PPOX: variants seen among roughly 807,000 people sequenced by gnomAD.
PPOX encodes protoporphyrinogen oxidase, also known as variegate porphyria.
PPOX carries 23 observed loss-of-function variants against 54.1 expected under a neutral mutation model. That is an observed-to-expected ratio of 0.43 (90% CI 0.31 to 0.60). PPOX has a LOEUF of 0.60. PPOX is among the 20% of genes least tolerant of loss of function. The probability of loss-of-function intolerance (pLI) is 0.13; values close to 1 mark genes in which losing one functional copy is unlikely to be tolerated. For missense variants in PPOX, 512 were observed against 601.1 expected, an observed-to-expected ratio of 0.85 and a Z score of 1.55; for synonymous variants, 224 against 236.1, an observed-to-expected ratio of 0.95 and a Z score of 0.47.
chr1:161,173,798 TCTC>T (rs1484135877), downstream of PPOX: 11 of 1,610,200 alleles, frequency 6.8e-6, no homozygotes, highest in Non-Finnish European at 9.3e-6. Flanking sequence ...TCCGCTTGGC[TCTC>T]CTCCTTCCAC....
chr1:161,175,000 A>G, downstream of PPOX: 7 of 1,613,284 alleles, frequency 4.3e-6, no homozygotes, highest in Non-Finnish European at 5.9e-6. Context: ...TACCTGGTGG[A>G]TGACATAGAT....
Position 161,167,153 on chromosome 1 carries a change from AG to A in PPOX, c.143del (p.Gly48AlafsTer20). ...TGGGAGGCTGGATTCGCTCCGTTCG[AG>A]GCCCTAATGGTGCTATCTTTGAGCT... ...RLGGWIRSVRGPNGAIFELGP... is the reference protein window; with the variant it reads ...RLGGWIRSVRXPNGAIFELGP... On this transcript the variant is annotated frameshift_variant, in exon 3 of 13. Coordinates refer to ENST00000367999, the MANE Select transcript of PPOX (RefSeq NM_001122764.3). LOFTEE classifies it high-confidence loss of function. 1 of 1,614,100 alleles carries A rather than the reference AG, an allele frequency of 6.2e-7. No individual in the cohort carries two copies. The highest frequency in any genetic ancestry group is 1.1e-5 in the South Asian group (1 of 91,084).
chr1:161,166,224 C>T (rs1161326550), upstream of PPOX: 1 of 968,490 alleles, frequency 1.0e-6, no homozygotes, highest in Non-Finnish European at 1.2e-6. Flanking sequence ...CTCGCCGCCT[C>T]GGTCCTGAGG....
chr1:161,170,528 G>A lies in PPOX; in HGVS notation c.1098+9G>A, dbSNP rs201450061. On this transcript the variant is annotated intron_variant, in intron 10 of 12. Transcript: ENST00000367999. ...CTGGCCTCAGAGTGACTGTGAGGAGGAGGAAACTTTGCCTAGTGGCATTTC... is the reference window on the plus strand; with the variant it reads ...CTGGCCTCAGAGTGACTGTGAGGAGAAGGAAACTTTGCCTAGTGGCATTTC... 5.6e-5 allele frequency: 90 copies of A among 1,614,182 alleles called. No homozygotes were observed. Among genetic ancestry groups the A allele is most frequent in the Non-Finnish European group, 7.3e-5 (86 of 1,179,976 alleles).
chr1:161,170,872 T>TA (rs756601498), intron 11 of PPOX, 35 bp from the exon 12 acceptor site: 8 of 1,613,990 alleles, frequency 5.0e-6, no homozygotes, highest in South Asian at 1.1e-5. Flanking sequence ...ACATCAATAA[T>TA]AAACTTTTCC....
intron 6 of PPOX, 26 bp downstream of exon 6, chr1:161,168,602 GA>G: frequency 6.2e-7 from 1 of 1,612,152 alleles, no homozygotes; most frequent in Non-Finnish European, 8.5e-7. Flanking sequence ...TTCAGAGGGT[GA>G]AAATATTAAG....
upstream of PPOX, chr1:161,166,418 A>C (rs1008067221): frequency 1.6e-5 from 18 of 1,123,724 alleles, 1 homozygote; most frequent in Middle Eastern, 8.1e-4. Context: ...GTGCCGCGAG[A>C]ACAGAGTGGA....
At chr1:161,165,907 G>A (rs1365525766), upstream of PPOX, among the ~76,000 whole-genome samples, 2 of 152,092 alleles carry the variant, frequency 1.3e-5, no homozygotes, top group African/African-American at 4.8e-5. Context: ...GTACTGGGAG[G>A]AAAAGAGGAA....
chr1:161,166,122 G>A (rs556681982), upstream of PPOX: 2 of 985,346 alleles, frequency 2.0e-6, no homozygotes, highest in East Asian at 1.1e-4. Context: ...TTCTCCCTAC[G>A]ACCAAAGCTC....
chr1:161,166,425 T>G, upstream of PPOX: 1 of 1,126,774 alleles, frequency 8.9e-7, no homozygotes, highest in Non-Finnish European at 1.1e-6. Context: ...GAGAACAGAG[T>G]GGACGGAGCG....
chr1:161,166,824 G>T lies in PPOX; in HGVS notation c.-8-16G>T. ...TGTCCCCGGTCTGCCTGTCCATATC[G>T]CCCCCTTTCCCCCAGGTTTCCGCAT... is the stretch of plus-strand genomic sequence containing the variant. On this transcript the variant is annotated splice_polypyrimidine_tract_variant and intron_variant, in intron 1 of 12. Transcript: ENST00000367999. 1.2e-6 allele frequency: 2 copies of T among 1,611,886 alleles called. No individual in the cohort carries two copies. The highest frequency in any genetic ancestry group is 1.7e-6 in the Non-Finnish European group (2 of 1,179,878).
rs2101836519 is a variant in PPOX at position 161,166,506 on chromosome 1, CAAGCAGA to C, written c.-174_-168del. 2 of 1,319,044 alleles carry C rather than the reference CAAGCAGA, an allele frequency of 1.5e-6. No individual in the cohort carries two copies. Among genetic ancestry groups the C allele is most frequent in the African/African-American group, 3.0e-5 (2 of 67,298 alleles). 81.7% of individuals were successfully genotyped at this position (1,319,044 alleles called of 1,614,324 possible). A position where few individuals can be genotyped will look rare whatever the true frequency, so the allele number is the denominator to read the frequency against. The stretch of plus-strand genomic sequence containing the variant: ...CACTTGTTGGCCTACAGAGGTGTGG[CAAGCAGA>C]GCACCTCAGAACTCAGGCGTACTGC... On this transcript the variant is annotated 5_prime_UTR_variant, in exon 1 of 13. Transcript: ENST00000367999.
At chr1:161,174,143 T>C (rs147487659), downstream of PPOX, 5,353 of 1,360,864 alleles carry the variant, frequency 3.9e-3, 38 homozygotes, top group East Asian at 0.026. Flanking sequence ...CGCGGTGGCT[T>C]ACGCCTGTAA....
downstream of PPOX, among the ~76,000 whole-genome samples, chr1:161,172,918 T>C (rs1571461596): frequency 6.8e-6 from 1 of 146,094 alleles, no homozygotes; most frequent in African/African-American, 2.5e-5. Flanking sequence ...TAGAACCAGG[T>C]AATCAGGACC....
At chr1:161,169,866 T>A in intron 8 of PPOX, 40 bp from the exon 9 acceptor site, 1 of 1,614,138 alleles carries the variant, frequency 6.2e-7, no homozygotes, top group Non-Finnish European at 8.5e-7. Context: ...ACAACTGTAA[T>A]GGGAATGCCT....
chr1:161,170,543 A>C, intron 10 of PPOX, 24 bp downstream of exon 10: 1 of 1,614,112 alleles, frequency 6.2e-7, no homozygotes, highest in African/African-American at 1.3e-5. Flanking sequence ...AACTTTGCCT[A>C]GTGGCATTTC....
chr1:161,174,632 A>G (rs1322172058), downstream of PPOX, among the ~76,000 whole-genome samples: 2 of 152,208 alleles, frequency 1.3e-5, no homozygotes, highest in Non-Finnish European at 2.9e-5. Context: ...CAGATGGTAT[A>G]TTAGTTATCT....
chr1:161,175,432 TCTC>T (rs1422468402), downstream of PPOX, among the ~76,000 whole-genome samples: 1 of 152,002 alleles, frequency 6.6e-6, no homozygotes, highest in Non-Finnish European at 1.5e-5. Flanking sequence ...TACCTAGCCT[TCTC>T]TTCTTATTTT....
At chr1:161,168,635 G>A in intron 6 of PPOX, 59 bp downstream of exon 6, 1 of 1,583,204 alleles carries the variant, frequency 6.3e-7, no homozygotes, top group Non-Finnish European at 8.7e-7. Context: ...TGAGGGAGTG[G>A]GGACAAGGGG....
Sources: gnomAD v4.1 joint callset for allele counts (sites outside exome capture counted in the v4.1 genomes callset) on GRCh38, gnomAD v4.1.1 for gene constraint, MANE v1.5 for transcripts, NCBI Gene and HGNC (gene_info 2026-07-23, HGNC 2026-07-21) for gene names.